The following UTS2B variants were observed in gnomAD, a reference collection of about 807,000 sequenced individuals.
The protein encoded by UTS2B is urotensin-2B.
A neutral mutation model predicts 19.2 loss-of-function variants in UTS2B; 21 were observed. The ratio of observed to expected loss-of-function variants is 1.09; its 90% CI spans 0.78 to 1.58. The LOEUF (loss-of-function observed/expected upper bound fraction) is 1.58. Among genes scored for constraint, UTS2B ranks in the 40% most tolerant of loss-of-function variants. The probability of loss-of-function intolerance (pLI) is 0.00; values close to 1 mark genes in which losing one functional copy is unlikely to be tolerated. For missense variants in UTS2B, 138 were observed against 130.3 expected, an observed-to-expected ratio of 1.06 and a Z score of -0.29; for synonymous variants, 57 against 50.2, an observed-to-expected ratio of 1.14 and a Z score of -0.58.
At chr3:191,317,822 T>C (rs1373568242) in intron 2 of UTS2B, among the ~76,000 whole-genome samples, 2 of 152,312 alleles carry the variant, frequency 1.3e-5, no homozygotes, top group East Asian at 3.9e-4. Context: ...TCAGGCAATC[T>C]GCTCAGCTCA....
chr3:191,272,055 T>G (rs1716108272), intron 8 of UTS2B, among the ~76,000 whole-genome samples: 2 of 152,202 alleles, frequency 1.3e-5, no homozygotes, highest in Admixed American at 6.5e-5. Flanking sequence ...CCTATCCTAC[T>G]ATAGGTACAT....
chr3:191,276,060 A>T (rs1716228414), intron 7 of UTS2B, among the ~76,000 whole-genome samples: 3 of 151,806 alleles, frequency 2.0e-5, no homozygotes, highest in Admixed American at 2.0e-4. Flanking sequence ...GGATTTCCTG[A>T]ATTTTTTGTC....
intron 1 of UTS2B, among the ~76,000 whole-genome samples, chr3:191,329,948 G>C (rs999248036): frequency 5.9e-4 from 85 of 143,592 alleles, no homozygotes; most frequent in South Asian, 2.0e-3. Flanking sequence ...TGGTTGGGGG[G>C]GGGGGGGGCT....
chr3:191,345,070 A>G, the UTS2B span, among the ~76,000 whole-genome samples: 4 of 152,180 alleles, frequency 2.6e-5, no homozygotes, highest in African/African-American at 9.6e-5. Flanking sequence ...AGAATAAATG[A>G]TGTCCTGATT....
chr3:191,279,872 CTT>C (rs955115333), intron 5 of UTS2B, among the ~76,000 whole-genome samples: 2 of 151,238 alleles, frequency 1.3e-5, no homozygotes, highest in African/African-American at 4.9e-5. Flanking sequence ...TCTTTTGTTT[CTT>C]GTTTTCATAC....
At chr3:191,283,974 A>AT (rs1716462312) in intron 4 of UTS2B, among the ~76,000 whole-genome samples, 1 of 150,446 alleles carries the variant, frequency 6.6e-6, no homozygotes, top group Non-Finnish European at 1.5e-5. Context: ...AATTAATGTC[A>AT]TGTGATGTAG....
chr3:191,323,327 C>A (rs112753763), intron 2 of UTS2B, among the ~76,000 whole-genome samples: 7 of 151,958 alleles, frequency 4.6e-5, no homozygotes, highest in African/African-American at 1.7e-4. Flanking sequence ...GGACACCATG[C>A]CCAGCTAATT....
chr3:191,318,660 G>T (rs1356153685), intron 2 of UTS2B, among the ~76,000 whole-genome samples: 1 of 152,084 alleles, frequency 6.6e-6, no homozygotes, highest in Admixed American at 6.5e-5. Flanking sequence ...TGGTAGAGAT[G>T]GGGTTTCACA....
At chr3:191,342,189 G>T in the UTS2B span, among the ~76,000 whole-genome samples, 20 of 152,312 alleles carry the variant, frequency 1.3e-4, no homozygotes, top group African/African-American at 4.8e-4. Context: ...AAGATTTCCA[G>T]AAATGTGTGT....
intron 4 of UTS2B, among the ~76,000 whole-genome samples, chr3:191,290,396 T>G (rs1030084290): frequency 1.3e-5 from 2 of 152,214 alleles, no homozygotes; most frequent in African/African-American, 4.8e-5. Flanking sequence ...GGCCCTGTAC[T>G]AAGCACCTCA....
chr3:191,317,382 C>T (rs994761825), intron 2 of UTS2B, among the ~76,000 whole-genome samples: 6 of 152,354 alleles, frequency 3.9e-5, no homozygotes, highest in African/African-American at 1.4e-4. Context: ...CTGCACCTCT[C>T]CCTCCACACC....
At chr3:191,325,238 G>A (rs1310103995) in intron 2 of UTS2B, among the ~76,000 whole-genome samples, 1 of 152,048 alleles carries the variant, frequency 6.6e-6, no homozygotes, top group Non-Finnish European at 1.5e-5. Context: ...TTGCAATAAG[G>A]GTATGTAGTA....
intron 4 of UTS2B, among the ~76,000 whole-genome samples, chr3:191,289,447 T>A (rs141348891): frequency 4.1e-5 from 6 of 144,666 alleles, no homozygotes; most frequent in South Asian, 4.4e-4. Context: ...AATAAATAAA[T>A]AAAAAACAAA....
rs958217185 is a variant in UTS2B, at chr3:191,267,211, C to G, written c.*1205G>C. 2 of 152,184 alleles carry G rather than the reference C, an allele frequency of 1.3e-5. No individual in the cohort carries two copies. Among genetic ancestry groups the G allele is most frequent in the Non-Finnish European group, 2.9e-5 (2 of 68,034 alleles). 9.4% of individuals were successfully genotyped at this position (152,184 alleles called of 1,614,324 possible). ...AATTAATAGTTCAACAGCATAGTCA[C>G]AACAGGACAAAACTTTACATAAGCA... On this transcript the variant is annotated 3_prime_UTR_variant, in exon 9 of 9. Coordinates refer to ENST00000340524, the MANE Select transcript of UTS2B (RefSeq NM_198152.5).
At chr3:191,345,854 A>G in the UTS2B span, among the ~76,000 whole-genome samples, 1 of 152,208 alleles carries the variant, frequency 6.6e-6, no homozygotes, top group African/African-American at 2.4e-5. Flanking sequence ...TGAAGTGTGC[A>G]TGTGTTGTTG....
intron 5 of UTS2B, among the ~76,000 whole-genome samples, chr3:191,281,100 T>C (rs1044682945): frequency 6.6e-6 from 1 of 152,174 alleles, no homozygotes; most frequent in Admixed American, 6.5e-5. Context: ...TCTGGTAAAA[T>C]GGAATTAGAA....
intron 4 of UTS2B, among the ~76,000 whole-genome samples, chr3:191,290,400 C>G (rs1379287149): frequency 3.9e-5 from 6 of 152,192 alleles, no homozygotes; most frequent in Non-Finnish European, 4.4e-5. Flanking sequence ...CTGTACTAAG[C>G]ACCTCACAAA....
At chr3:191,310,270 A>AT (rs35657398) in intron 3 of UTS2B, among the ~76,000 whole-genome samples, 2,878 of 147,126 alleles carry the variant, frequency 0.02, 82 homozygotes, top group African/African-American at 0.064. Flanking sequence ...CCAGCCAGGT[A>AT]TTTTTTTTTT....
chr3:191,342,817 T>A, the UTS2B span, among the ~76,000 whole-genome samples: 1 of 152,230 alleles, frequency 6.6e-6, no homozygotes, highest in Non-Finnish European at 1.5e-5. Context: ...TGTGAAAAAT[T>A]GTTTTGAAAA....
Sources: gnomAD v4.1 joint callset for allele counts (sites outside exome capture counted in the v4.1 genomes callset) on GRCh38, gnomAD v4.1.1 for gene constraint, MANE v1.5 for transcripts, NCBI Gene and HGNC (gene_info 2026-07-23, HGNC 2026-07-21) for gene names.